DOCK8: variants seen among roughly 807,000 people sequenced by gnomAD.
DOCK8 encodes dedicator of cytokinesis protein 8.
In DOCK8, 141 loss-of-function variants were observed where a neutral mutation model predicts 245.6. The observed-to-expected ratio is 0.57, with a 90% CI of 0.50 to 0.66. The LOEUF is 0.66. Ranked by LOEUF, DOCK8 falls within the 30% of genes least tolerant of loss-of-function variation. DOCK8 has a pLI of 0.00. For synonymous variants in DOCK8, 1,168 were observed against 970.2 expected (o/e 1.20, Z -3.79); for missense variants, 2,965 against 2,603.4 (o/e 1.14, Z -3.02).
rs10813355 is a variant in DOCK8, at chr9:317,195, G to A, written c.827+67G>A. 620,934 of 1,252,976 alleles carry A rather than the reference G, an allele frequency of 0.5. 159,909 individuals carry two copies. Among genetic ancestry groups the A allele is most frequent in the African/African-American group, 0.69 (46,507 of 67,318 alleles). 77.6% of individuals were successfully genotyped at this position (1,252,976 alleles called of 1,614,324 possible). A position where few individuals can be genotyped will look rare whatever the true frequency, so the allele number is the denominator to read the frequency against. On this transcript the variant is annotated intron_variant, in intron 7 of 47. Transcript: ENST00000432829. ...CTTGCCTTTTACATACAAATGTTGTGTTTATTATCAGAGCTTGAATCAAAG... is the reference window on the plus strand; with the variant it reads ...CTTGCCTTTTACATACAAATGTTGTATTTATTATCAGAGCTTGAATCAAAG...
rs534910365 is a variant in DOCK8 at position 373,640 on chromosome 9, A to T, written c.2109+1354A>T. ...GAATTTAATTTCAACCGTTCCAGTC[A>T]ACTTTCTTCTCTGTTCTTTCGCCAT... On this transcript the variant is annotated intron_variant, in intron 18 of 47. Transcript: ENST00000432829. Among the ~76,000 whole-genome samples the T allele has an allele frequency of 3.3e-5, 5 of 152,272 alleles. No individual in the cohort carries two copies. The South Asian group carries it at 1.0e-3, about 32-fold the overall frequency.
Position 286,644 on chromosome 9 carries a change from G to C in DOCK8, c.332+8G>C. ...CTCTTTGCCGGAGGAAGGGTAAATA[G>C]TTTTCTAAAATGTAGATGTGATTGG... On this transcript the variant is annotated splice_region_variant and intron_variant, in intron 3 of 47. Transcript: ENST00000432829. 3.1e-6 allele frequency: 5 copies of C among 1,613,564 alleles called. No homozygotes were observed. Among genetic ancestry groups the C allele is most frequent in the Non-Finnish European group, 4.2e-6 (5 of 1,179,618 alleles).
intron 14 of DOCK8, among the ~76,000 whole-genome samples, chr9:360,243 G>A (rs2052658381): frequency 6.6e-6 from 1 of 151,552 alleles, no homozygotes; most frequent in Admixed American, 6.6e-5. Flanking sequence ...TTGATCTTGG[G>A]CAGTGGAGGT....
chr9:399,314 T>C (rs2054628381), intron 26 of DOCK8, 55 bp downstream of exon 26: 2 of 1,200,872 alleles, frequency 1.7e-6, no homozygotes, highest in Admixed American at 3.8e-5. Context: ...CCTTCTCATA[T>C]AATGTGATGT....
chr9:319,785 A>G (rs80147657), intron 7 of DOCK8, among the ~76,000 whole-genome samples: 1 of 131,382 alleles, frequency 7.6e-6, no homozygotes, highest in East Asian at 2.0e-4. Flanking sequence ...TTTGTAACAG[A>G]AAAAAAAAAA....
intron 1 of DOCK8, among the ~76,000 whole-genome samples, chr9:238,952 A>C (rs1027602069): frequency 1.5e-4 from 19 of 127,720 alleles, no homozygotes; most frequent in African/African-American, 4.6e-4. Context: ...ACTCACACAC[A>C]CTCTCACTGG....
chr9:404,869 A>G (rs375565088), intron 26 of DOCK8, 49 bp from the exon 27 acceptor site: 9 of 1,608,950 alleles, frequency 5.6e-6, no homozygotes, highest in Middle Eastern at 3.3e-4. Context: ...CCTCAACTCC[A>G]CTTACCTTGT....
intron 14 of DOCK8, chr9:365,820 G>C (rs1021071193): frequency 8.1e-6 from 3 of 369,504 alleles, no homozygotes; most frequent in Non-Finnish European, 1.1e-5. Context: ...ATGAACAGAA[G>C]TGAACAGTGA....
chr9:281,324 A>G (rs1399806938), intron 2 of DOCK8, among the ~76,000 whole-genome samples: 1 of 152,074 alleles, frequency 6.6e-6, no homozygotes, highest in Non-Finnish European at 1.5e-5. Flanking sequence ...TGATATGCAT[A>G]CTCTGAAAAA....
chr9:352,752 G>C (rs1160692947), intron 14 of DOCK8, among the ~76,000 whole-genome samples: 1 of 47,856 alleles, frequency 2.1e-5, no homozygotes, highest in African/African-American at 6.1e-5. Context: ...AAAAAAAAGT[G>C]CCGATACTTT....
chr9:415,692 G>GCACACACGCACGCACA (rs1554699022), intron 29 of DOCK8, among the ~76,000 whole-genome samples: 3 of 150,978 alleles, frequency 2.0e-5, no homozygotes, highest in African/African-American at 7.3e-5. Flanking sequence ...GTGCGCGCGT[G>GCACACACGCACGCACA]CACACACACA....
intron 39 of DOCK8, among the ~76,000 whole-genome samples, chr9:437,192 G>A (rs2131775862): frequency 6.6e-6 from 1 of 152,330 alleles, no homozygotes; most frequent in South Asian, 2.1e-4. Context: ...TGAGGAATGT[G>A]AGCCTGGAGT....
chr9:446,903 A>G (rs991833660), intron 44 of DOCK8, among the ~76,000 whole-genome samples: 3 of 151,642 alleles, frequency 2.0e-5, no homozygotes, highest in South Asian at 4.1e-4. Context: ...ATAAACTTGT[A>G]CAACAGATAT....
At chr9:226,914 T>C (rs766417972) in intron 1 of DOCK8, among the ~76,000 whole-genome samples, 2 of 152,216 alleles carry the variant, frequency 1.3e-5, no homozygotes, top group Non-Finnish European at 2.9e-5. Flanking sequence ...TTTGATAAGT[T>C]TTTAATAGCC....
At chr9:398,057 C>G (rs2054545480) in intron 25 of DOCK8, among the ~76,000 whole-genome samples, 1 of 152,158 alleles carries the variant, frequency 6.6e-6, no homozygotes. Flanking sequence ...GTGCATAGTA[C>G]CAAGTGCTCA....
chr9:237,033 G>A (rs1054184071), intron 1 of DOCK8, among the ~76,000 whole-genome samples: 1 of 152,224 alleles, frequency 6.6e-6, no homozygotes, highest in Non-Finnish European at 1.5e-5. Context: ...ACTTCCAGCA[G>A]GAACACTTCA....
At chr9:420,879 G>C in intron 31 of DOCK8, 70 bp from the exon 32 acceptor site, 1 of 1,596,764 alleles carries the variant, frequency 6.3e-7, no homozygotes, top group South Asian at 1.1e-5. Flanking sequence ...GGAGTGTACT[G>C]TTTTGGTAAC....
At chr9:234,798 C>G (rs2047207321) in intron 1 of DOCK8, among the ~76,000 whole-genome samples, 1 of 147,328 alleles carries the variant, frequency 6.8e-6, no homozygotes, top group Non-Finnish European at 1.5e-5. Context: ...ATCCATTCGT[C>G]TATTTTTTTT....
At chr9:374,628 ATTT>A (rs3028572) in intron 18 of DOCK8, among the ~76,000 whole-genome samples, 11 of 137,020 alleles carry the variant, frequency 8.0e-5, no homozygotes, top group East Asian at 2.2e-4. Context: ...CGCCCAGCTA[ATTT>A]TTTTTTTTTT....
Sources: allele counts gnomAD v4.1 joint callset (sites outside exome capture counted in the v4.1 genomes callset), GRCh38; gene constraint gnomAD v4.1.1; transcripts MANE v1.5; gene names NCBI Gene and HGNC (gene_info 2026-07-23, HGNC 2026-07-21).